CACNA1A: variants seen among roughly 807,000 people sequenced by gnomAD.
CACNA1A encodes the protein voltage-dependent P/Q-type calcium channel subunit alpha-1A.
A neutral mutation model predicts 262.4 loss-of-function variants in CACNA1A; 57 were observed. The observed-to-expected ratio is 0.22, with a 90% CI of 0.18 to 0.27. CACNA1A has a LOEUF of 0.27. CACNA1A is among the 10% of genes least tolerant of loss of function. CACNA1A has a pLI of 1.00. For missense variants in CACNA1A, 2,526 were observed against 3,562.8 expected (o/e 0.71, Z 7.41); for synonymous variants, 1,431 against 1,419.3 (o/e 1.01, Z -0.18).
At chr19:13,484,762 G>A (rs1452928927) in intron 1 of CACNA1A, among the ~76,000 whole-genome samples, 1 of 152,150 alleles carries the variant, frequency 6.6e-6, no homozygotes, top group Non-Finnish European at 1.5e-5. Context: ...TGCACATGCT[G>A]TTCCCTGTGG....
intron 30 of CACNA1A, among the ~76,000 whole-genome samples, chr19:13,251,434 G>A (rs944864398): frequency 2.6e-5 from 4 of 152,256 alleles, no homozygotes; most frequent in African/African-American, 7.2e-5. Flanking sequence ...AGTGAGCCGA[G>A]ATTGCGCCAC....
At chr19:13,414,868 G>T (rs557983364) in intron 3 of CACNA1A, among the ~76,000 whole-genome samples, 2 of 152,176 alleles carry the variant, frequency 1.3e-5, no homozygotes, top group East Asian at 3.9e-4. Context: ...GAGGCTGAGG[G>T]GGGAGGATCG....
chr19:13,356,063 A>G (rs986056611), intron 6 of CACNA1A, among the ~76,000 whole-genome samples: 1 of 152,178 alleles, frequency 6.6e-6, no homozygotes, highest in Non-Finnish European at 1.5e-5. Context: ...AAATGTGTGG[A>G]AAGTGCTAGA....
chr19:13,490,137 C>T (rs1165050579), intron 1 of CACNA1A, among the ~76,000 whole-genome samples: 1 of 152,120 alleles, frequency 6.6e-6, no homozygotes, highest in Non-Finnish European at 1.5e-5. Flanking sequence ...AGTAAATGAC[C>T]AGCAATGACT....
At chr19:13,346,289 T>C (rs1409487330) in intron 6 of CACNA1A, among the ~76,000 whole-genome samples, 1 of 152,140 alleles carries the variant, frequency 6.6e-6, no homozygotes, top group East Asian at 1.9e-4. Flanking sequence ...CAGCTACATG[T>C]CCTCACAAAT....
chr19:13,319,390 G>T (rs1047587831), intron 10 of CACNA1A, among the ~76,000 whole-genome samples: 1 of 151,780 alleles, frequency 6.6e-6, no homozygotes, highest in Non-Finnish European at 1.5e-5. Flanking sequence ...TCATTCATTT[G>T]CTCATCCATT....
chr19:13,505,240 G>C (rs1982877325), intron 1 of CACNA1A, among the ~76,000 whole-genome samples: 1 of 151,882 alleles, frequency 6.6e-6, no homozygotes, highest in African/African-American at 2.4e-5. Flanking sequence ...AAAGGCAATG[G>C]GACCTGCACA....
At chr19:13,402,871 CACATAT>C (rs1315911540) in intron 3 of CACNA1A, among the ~76,000 whole-genome samples, 77 of 64,154 alleles carry the variant, frequency 1.2e-3, no homozygotes, top group African/African-American at 4.9e-3. Context: ...CACACACACA[CACATAT>C]ATATATATAT....
intron 1 of CACNA1A, among the ~76,000 whole-genome samples, chr19:13,503,568 T>G (rs1256247160): frequency 6.6e-6 from 1 of 152,036 alleles, no homozygotes; most frequent in East Asian, 1.9e-4. Context: ...TACACTGGCC[T>G]GAATTCTTTT....
Position 13,249,713 on chromosome 19 carries a change from A to T in CACNA1A, c.4866+3278T>A, listed in dbSNP as rs181029367. 6.6e-5 allele frequency among the ~76,000 whole-genome samples: 10 copies of T among 152,194 alleles called. No individual in the cohort carries two copies. In the East Asian group the frequency reaches 1.5e-3, roughly 24 times the overall value. ...GCTTCATCCTCAACCCTCTAGATGC[A>T]CGTTAGTCCATTTGCTGTTTACCAG... On this transcript the variant is annotated intron_variant, in intron 30 of 46. Transcript: ENST00000360228.
intron 6 of CACNA1A, among the ~76,000 whole-genome samples, chr19:13,354,869 C>CTTTTTTTTTTTTTTTT (rs56350383): frequency 8.7e-6 from 1 of 115,100 alleles, no homozygotes. Context: ...TTTTCTTTTT[C>CTTTTTTTTTTTTTTTT]TTTTTTTTTT....
In CACNA1A at chr19:13,253,929, G is replaced by A. The variant is rs2056472363; in HGVS notation, c.4756-828C>T. 2.0e-5 allele frequency among the ~76,000 whole-genome samples: 3 copies of A among 151,494 alleles called. No individual in the cohort carries two copies. The South Asian group carries it at 6.3e-4, about 32-fold the overall frequency. On this transcript the variant is annotated intron_variant, in intron 29 of 46. Coordinates refer to ENST00000360228, the MANE Select transcript of CACNA1A (RefSeq NM_001127222.2). ...TAATTTTTGTATTTTTAGTAGAGAC[G>A]GGATTTCACCATGTTGGCCAGTTGG...
intron 3 of CACNA1A, among the ~76,000 whole-genome samples, chr19:13,434,564 G>A (rs147620222): frequency 6.4e-4 from 98 of 152,052 alleles, no homozygotes; most frequent in African/African-American, 2.2e-3. Flanking sequence ...TGTGAGATTG[G>A]ACATTTAAAG....
intron 3 of CACNA1A, among the ~76,000 whole-genome samples, chr19:13,379,022 C>T (rs2059465927): frequency 6.6e-6 from 1 of 150,472 alleles, no homozygotes; most frequent in African/African-American, 2.4e-5. Context: ...ACTCTGTCCC[C>T]CAGGCTAGAG....
intron 3 of CACNA1A, among the ~76,000 whole-genome samples, chr19:13,402,682 CAATT>C (rs146449988): frequency 0.048 from 7,120 of 147,556 alleles, 593 homozygotes; most frequent in African/African-American, 0.17. Context: ...ATTTCAACAT[CAATT>C]AATTGATCAG....
intron 3 of CACNA1A, among the ~76,000 whole-genome samples, chr19:13,449,273 TAAAAAAAC>T (rs1430399747): frequency 6.6e-6 from 1 of 151,492 alleles, no homozygotes; most frequent in African/African-American, 2.4e-5. Context: ...TGGCCTTTAT[TAAAAAAAC>T]AAAAAAACAA....
chr19:13,312,955 G>C (rs2058061094), intron 11 of CACNA1A, among the ~76,000 whole-genome samples, 174 bp from the exon 12 acceptor site: 1 of 151,984 alleles, frequency 6.6e-6, no homozygotes, highest in South Asian at 2.1e-4. Context: ...CAGTTTCCCT[G>C]ATTTGGCCTC....
At chr19:13,370,376 A>T (rs2059300724) in intron 4 of CACNA1A, among the ~76,000 whole-genome samples, 2 of 151,966 alleles carry the variant, frequency 1.3e-5, no homozygotes, top group African/African-American at 4.8e-5. Context: ...AAGTGCTAGG[A>T]TTATAGGCAT....
chr19:13,268,893 CTTTTTTTTTTTTTT>C (rs3050832), intron 24 of CACNA1A, among the ~76,000 whole-genome samples: 4 of 107,946 alleles, frequency 3.7e-5, no homozygotes, highest in South Asian at 2.9e-4. Flanking sequence ...ATAGATTCTA[CTTTTTTTTTTTTTT>C]TTTTTTTTTT....
Sources: allele counts gnomAD v4.1 joint callset (sites outside exome capture counted in the v4.1 genomes callset), GRCh38; gene constraint gnomAD v4.1.1; transcripts MANE v1.5; gene names NCBI Gene and HGNC (gene_info 2026-07-23, HGNC 2026-07-21).